The following SPIDR variants were observed in gnomAD, a reference collection of about 807,000 sequenced individuals.
The protein encoded by SPIDR is DNA repair-scaffolding protein.
SPIDR carries 93 observed loss-of-function variants against 104.6 expected under a neutral mutation model. That is an observed-to-expected ratio of 0.89 (90% CI 0.75 to 1.06). SPIDR has a LOEUF of 1.06. SPIDR is among the 50% of genes least tolerant of loss of function. The probability of loss-of-function intolerance (pLI) is 0.00; values close to 1 mark genes in which losing one functional copy is unlikely to be tolerated. For missense variants in SPIDR, 1,154 were observed against 1,111.2 expected (o/e 1.04, Z -0.55); for synonymous variants, 431 against 416.9 (o/e 1.03, Z -0.41).
chr8:47,297,876 C>G (rs1554573861), intron 5 of SPIDR, among the ~76,000 whole-genome samples: 16 of 152,234 alleles, frequency 1.1e-4, no homozygotes, highest in South Asian at 4.1e-4. Flanking sequence ...ATTTGGGTTG[C>G]TTCCAAGTCT....
chr8:47,697,744 C>T (rs1210887140), intron 11 of SPIDR: 4 of 152,610 alleles, frequency 2.6e-5, no homozygotes, highest in Non-Finnish European at 5.9e-5. Context: ...CCCCAGCCTT[C>T]TTCTTGCCGC....
chr8:47,438,345 A>T (rs1158804036), intron 7 of SPIDR, among the ~76,000 whole-genome samples: 4 of 152,238 alleles, frequency 2.6e-5, no homozygotes, highest in African/African-American at 9.6e-5. Flanking sequence ...ATTATGTCTC[A>T]AAATGCTCCT....
At chr8:47,524,029 A>G (rs1202737439) in intron 8 of SPIDR, among the ~76,000 whole-genome samples, 3 of 152,242 alleles carry the variant, frequency 2.0e-5, no homozygotes, top group Non-Finnish European at 4.4e-5. Flanking sequence ...AAATACCACC[A>G]AAAGTTATTT....
At chr8:47,415,953 T>C (rs1320168392) in intron 7 of SPIDR, among the ~76,000 whole-genome samples, 1 of 152,124 alleles carries the variant, frequency 6.6e-6, no homozygotes, top group Admixed American at 6.6e-5. Flanking sequence ...CTGTTAAACA[T>C]TTCCATAGTT....
At chr8:47,713,240 AT>A (rs1435749343) in intron 15 of SPIDR, 3 of 594,210 alleles carry the variant, frequency 5.0e-6, no homozygotes, top group Non-Finnish European at 8.3e-6. Context: ...TTTAATTTTT[AT>A]TGAGTCATAA....
chr8:47,409,651 T>C lies in SPIDR; in HGVS notation c.877+1690T>C, dbSNP rs1310680712. ...CCAATAATATATTCTTCTAAATAGATCACTCAACTGTTATGTTCTCAACTA... is the reference window on the plus strand; with the variant it reads ...CCAATAATATATTCTTCTAAATAGACCACTCAACTGTTATGTTCTCAACTA... On this transcript the variant is annotated intron_variant, in intron 7 of 19. Transcript: ENST00000297423. 2.6e-5 allele frequency among the ~76,000 whole-genome samples: 4 copies of C among 152,238 alleles called. No homozygotes were observed. In the East Asian group the frequency reaches 7.7e-4, roughly 29 times the overall value.
intron 8 of SPIDR, among the ~76,000 whole-genome samples, chr8:47,468,978 C>T (rs2154356710): frequency 6.6e-6 from 1 of 152,136 alleles, no homozygotes; most frequent in South Asian, 2.1e-4. Context: ...TTATAAGGAA[C>T]TTAAACATAT....
At chr8:47,510,629 CACAA>C (rs2082173361) in intron 8 of SPIDR, among the ~76,000 whole-genome samples, 1 of 151,520 alleles carries the variant, frequency 6.6e-6, no homozygotes, top group Non-Finnish European at 1.5e-5. Context: ...AATGTAGTTG[CACAA>C]ACAGTTAACA....
chr8:47,409,175 ACT>A (rs1368111858), intron 7 of SPIDR, among the ~76,000 whole-genome samples: 3 of 152,044 alleles, frequency 2.0e-5, no homozygotes, highest in Admixed American at 6.6e-5. Flanking sequence ...ACAGAGTGAG[ACT>A]CTGTCTCAAA....
intron 10 of SPIDR, among the ~76,000 whole-genome samples, chr8:47,664,057 C>T (rs2074522957): frequency 6.6e-6 from 1 of 152,230 alleles, no homozygotes; most frequent in African/African-American, 2.4e-5. Context: ...ACCCACTCCT[C>T]CACCATCCAA....
chr8:47,443,133 A>G (rs1255288793), intron 8 of SPIDR, among the ~76,000 whole-genome samples: 1 of 152,188 alleles, frequency 6.6e-6, no homozygotes, highest in Non-Finnish European at 1.5e-5. Context: ...CTTAGACTTT[A>G]CAAGTAAATG....
chr8:47,510,416 G>A (rs1457557904), intron 8 of SPIDR, among the ~76,000 whole-genome samples: 1 of 152,176 alleles, frequency 6.6e-6, no homozygotes, highest in African/African-American at 2.4e-5. Flanking sequence ...GTCCATGCCT[G>A]CAAGTTTATT....
At chr8:47,336,097 A>G (rs572929110) in intron 5 of SPIDR, among the ~76,000 whole-genome samples, 5 of 151,810 alleles carry the variant, frequency 3.3e-5, no homozygotes, top group African/African-American at 1.2e-4. Context: ...ATTTTATTAT[A>G]GTTTTCCCAC....
intron 1 of SPIDR, among the ~76,000 whole-genome samples, chr8:47,264,079 C>T (rs570474604): frequency 1.3e-5 from 2 of 152,112 alleles, no homozygotes; most frequent in African/African-American, 4.8e-5. Flanking sequence ...TACCCTAGTC[C>T]GAAGACTCGG....
chr8:47,506,669 T>C (rs1037677631), intron 8 of SPIDR, among the ~76,000 whole-genome samples: 4 of 152,094 alleles, frequency 2.6e-5, no homozygotes, highest in Admixed American at 2.6e-4. Context: ...CTACCCATTT[T>C]GTGGTCTACA....
At chr8:47,656,968 G>C (rs1359814197) in intron 10 of SPIDR, among the ~76,000 whole-genome samples, 1 of 152,162 alleles carries the variant, frequency 6.6e-6, no homozygotes, top group African/African-American at 2.4e-5. Flanking sequence ...CAAATCCATA[G>C]AGGCAGAAAT....
At chr8:47,264,947 T>C (rs575280138) in intron 1 of SPIDR, among the ~76,000 whole-genome samples, 196 of 152,314 alleles carry the variant, frequency 1.3e-3, no homozygotes, top group Non-Finnish European at 2.4e-3. Flanking sequence ...GACAAAGATA[T>C]TGTACATCCT....
chr8:47,700,962 C>G (rs769032043), intron 12 of SPIDR, among the ~76,000 whole-genome samples: 1 of 152,186 alleles, frequency 6.6e-6, no homozygotes, highest in Admixed American at 6.5e-5. Flanking sequence ...GAGAGTGTCT[C>G]AGAAGCAGCA....
intron 8 of SPIDR, among the ~76,000 whole-genome samples, chr8:47,553,176 T>C (rs980576836): frequency 8.5e-5 from 13 of 152,214 alleles, no homozygotes; most frequent in African/African-American, 2.9e-4. Context: ...TCGACCTTTC[T>C]CTCTGGCTGC....
Sources: gnomAD v4.1 joint callset for allele counts (sites outside exome capture counted in the v4.1 genomes callset) on GRCh38, gnomAD v4.1.1 for gene constraint, MANE v1.5 for transcripts, NCBI Gene and HGNC (gene_info 2026-07-23, HGNC 2026-07-21) for gene names.